Variants in KCNJ15 observed in about 807,000 individuals in gnomAD.
The protein encoded by KCNJ15 is potassium inwardly rectifying channel subfamily J member 15, also known as ATP-sensitive inward rectifier potassium channel 15.
Under a neutral mutation model 23.0 loss-of-function variants are expected in KCNJ15, and 14 were observed. The ratio of observed to expected loss-of-function variants is 0.61; its 90% CI spans 0.40 to 0.95. KCNJ15 has a LOEUF of 0.95. Among genes scored for constraint, KCNJ15 ranks in the 40% least tolerant of loss-of-function variants. The pLI is 0.00. For missense variants in KCNJ15, 388 were observed against 461.8 expected (o/e 0.84, Z 1.46); for synonymous variants, 185 against 183.2 (o/e 1.01, Z -0.08).
At chr21:38,243,669 G>A (rs539920424) in intron 1 of KCNJ15, among the ~76,000 whole-genome samples, 8 of 152,290 alleles carry the variant, frequency 5.3e-5, no homozygotes, top group Admixed American at 2.6e-4. Context: ...TGATCTGCCC[G>A]CCTCGGCCTT....
intron 1 of KCNJ15, among the ~76,000 whole-genome samples, chr21:38,289,196 C>CAAAAAAA (rs66914079): frequency 1.1e-4 from 8 of 72,424 alleles, no homozygotes; most frequent in East Asian, 4.0e-4. Context: ...AAGACTGTCT[C>CAAAAAAA]AAAAAAAAAA....
At chr21:38,247,663 C>T (rs560722208) in intron 1 of KCNJ15, among the ~76,000 whole-genome samples, 1 of 152,072 alleles carries the variant, frequency 6.6e-6, no homozygotes, top group African/African-American at 2.4e-5. Context: ...TTAATAGAAT[C>T]CTCTGTTACT....
intron 1 of KCNJ15, among the ~76,000 whole-genome samples, chr21:38,287,036 A>C (rs1983983286): frequency 6.6e-6 from 1 of 151,946 alleles, no homozygotes; most frequent in Non-Finnish European, 1.5e-5. Context: ...TCAGTACTGT[A>C]ATAGGTGCAT....
intron 1 of KCNJ15, among the ~76,000 whole-genome samples, chr21:38,278,150 G>GT (rs1465763965): frequency 5.0e-5 from 4 of 80,086 alleles, no homozygotes; most frequent in Admixed American, 4.5e-4. Context: ...ACCCAGCGGT[G>GT]CTTTCTATAA....
chr21:38,241,478 C>G (rs1019971014), intron 1 of KCNJ15, among the ~76,000 whole-genome samples: 1 of 152,186 alleles, frequency 6.6e-6, no homozygotes, highest in Non-Finnish European at 1.5e-5. Flanking sequence ...TGGGACAGCA[C>G]GGTGGAATTT....
rs1985548337 is a variant in KCNJ15 at position 38,299,643 on chromosome 21, A to G, written c.382A>G (p.Ile128Val). ...FLFSLESQTT[I>V]GYGVRSITEE... ...CTTTTCCCTGGAATCCCAGACAACCATTGGCTATGGAGTCCGTTCCATCAC... is the reference window on the plus strand; with the variant it reads ...CTTTTCCCTGGAATCCCAGACAACCGTTGGCTATGGAGTCCGTTCCATCAC... The change falls in exon 3 of 3, where the codon ATT becomes GTT. Residue 128 changes from isoleucine (I) to valine (V), a missense_variant. Physicochemically the swap from Ile to Val is conservative, Grantham distance 29. Transcript: ENST00000398938. This position sits in a 1 kb window ranked among gnomAD's most constrained non-coding sequence, Gnocchi z 4.5. 6.2e-7 allele frequency: 1 copy of G among 1,614,024 alleles called. No individual in the cohort carries two copies. The highest frequency in any genetic ancestry group is 1.1e-5 in the South Asian group (1 of 91,086).
At chr21:38,234,327 ATTC>A (rs1347014761) in intron 1 of KCNJ15, among the ~76,000 whole-genome samples, 4 of 152,194 alleles carry the variant, frequency 2.6e-5, no homozygotes, top group Non-Finnish European at 5.9e-5. Context: ...GCCCAAGACA[ATTC>A]TTCTTCTTCC....
At chr21:38,232,208 G>A (rs1978329626) in intron 1 of KCNJ15, among the ~76,000 whole-genome samples, 1 of 148,770 alleles carries the variant, frequency 6.7e-6, no homozygotes, top group South Asian at 2.2e-4. Context: ...TTAGAAATTT[G>A]TCCATTTCAT....
chr21:38,273,869 A>G (rs1401808449), intron 1 of KCNJ15, among the ~76,000 whole-genome samples: 1 of 152,236 alleles, frequency 6.6e-6, no homozygotes, highest in Non-Finnish European at 1.5e-5. Flanking sequence ...CAGATGAGGA[A>G]AACAGGACTA....
At chr21:38,253,858 G>A (rs1354946848), upstream of KCNJ15, among the ~76,000 whole-genome samples, 6 of 152,122 alleles carry the variant, frequency 3.9e-5, no homozygotes, top group South Asian at 8.3e-4. Flanking sequence ...GAGTCTTTCC[G>A]TTAACTGTGG....
At chr21:38,259,780 A>AG (rs1737578549) in intron 1 of KCNJ15, among the ~76,000 whole-genome samples, 1 of 152,176 alleles carries the variant, frequency 6.6e-6, no homozygotes, top group Non-Finnish European at 1.5e-5. Context: ...AAGTGAACCA[A>AG]GGGTGAGCCT....
rs540631507 is a variant in KCNJ15 at position 38,271,432 on chromosome 21, G to A, written c.-117+14247G>A. ...GGAAAAGATGAAGCCAAACTCAGGC[G>A]GAAGCAACATAATTAAACTGGTTTA... On this transcript the variant is annotated intron_variant, in intron 1 of 2. Coordinates refer to ENST00000398938, the MANE Select transcript of KCNJ15 (RefSeq NM_170736.3). Among the ~76,000 whole-genome samples the A allele has an allele frequency of 3.9e-5, 6 of 152,304 alleles. No homozygotes were observed. The South Asian group carries it at 6.2e-4, about 16-fold the overall frequency.
At chr21:38,289,196 CAAA>C (rs66914079) in intron 1 of KCNJ15, among the ~76,000 whole-genome samples, 10 of 72,416 alleles carry the variant, frequency 1.4e-4, no homozygotes, top group Admixed American at 3.2e-4. Flanking sequence ...AAGACTGTCT[CAAA>C]AAAAAAAAAA....
At chr21:38,298,186 A>G (rs1985364251) in intron 2 of KCNJ15, 1 of 152,200 alleles carries the variant, frequency 6.6e-6, no homozygotes, top group East Asian at 1.9e-4. Flanking sequence ...CAGGTACTAG[A>G]AGATGCTAGG....
chr21:38,246,201 G>A (rs970516406), intron 1 of KCNJ15, among the ~76,000 whole-genome samples: 3 of 152,168 alleles, frequency 2.0e-5, no homozygotes, highest in South Asian at 2.1e-4. Flanking sequence ...GAGCTAAAAC[G>A]AATCATGTAT....
At chr21:38,291,371 G>C (rs914210255) in intron 1 of KCNJ15, among the ~76,000 whole-genome samples, 1 of 152,118 alleles carries the variant, frequency 6.6e-6, no homozygotes, top group South Asian at 2.1e-4. Flanking sequence ...AGAAACCTGA[G>C]AGCAATTTTC....
intron 1 of KCNJ15, chr21:38,238,459 C>A (rs1348501923): frequency 3.0e-6 from 2 of 661,466 alleles, no homozygotes; most frequent in Non-Finnish European, 5.7e-6. Context: ...CTTGGCCTGG[C>A]GGTCTCCACA....
upstream of KCNJ15, among the ~76,000 whole-genome samples, chr21:38,253,107 A>C (rs1318417457): frequency 6.6e-6 from 1 of 152,154 alleles, no homozygotes; most frequent in Non-Finnish European, 1.5e-5. Flanking sequence ...CTCCCTCCCC[A>C]GGATTAGGCA....
At position 38,239,355 on chromosome 21, in the gene KCNJ15, T is replaced by C. The variant is rs137948286; in HGVS notation, c.-398-17691T>C. Among the ~76,000 whole-genome samples the C allele has an allele frequency of 2.4e-3, 360 of 152,374 alleles. 2 individuals are homozygous for C. The highest frequency in any genetic ancestry group is 8.4e-3 in the African/African-American group (351 of 41,594). On this transcript the variant is annotated intron_variant, in intron 1 of 4. Coordinates refer to the KCNJ15 transcript ENST00000547341. The stretch of plus-strand genomic sequence containing the variant: ...ATATGTTCAATTCAATAGCTAGTTA[T>C]GGCTCTCGGCTCAGGGACCCCACCT...
Sources: gnomAD v4.1 joint callset for allele counts (sites outside exome capture counted in the v4.1 genomes callset) on GRCh38, gnomAD v4.1.1 for gene constraint, Gnocchi (gnomAD v3.1) non-coding constraint, MANE v1.5 for transcripts, NCBI Gene and HGNC (gene_info 2026-07-23, HGNC 2026-07-21) for gene names.